The following DCC variants were observed in gnomAD, a reference collection of about 807,000 sequenced individuals.
DCC encodes netrin receptor DCC.
DCC carries 58 observed loss-of-function variants against 172.5 expected under a neutral mutation model. The ratio of observed to expected loss-of-function variants is 0.34; its 90% CI spans 0.27 to 0.42. The LOEUF (loss-of-function observed/expected upper bound fraction) is 0.42, where lower values mean the gene tolerates loss of function less well. DCC is among the 10% of genes least tolerant of loss of function. The pLI is 1.00. For missense variants in DCC, 1,740 were observed against 1,791.0 expected (o/e 0.97, Z 0.51); for synonymous variants, 709 against 644.5 (o/e 1.10, Z -1.52).
intron 22 of DCC, among the ~76,000 whole-genome samples, chr18:53,437,251 C>A (rs540857978): frequency 6.6e-6 from 1 of 152,162 alleles, no homozygotes; most frequent in Non-Finnish European, 1.5e-5. Context: ...TAACACCTTG[C>A]TCTGGCAGTC....
intron 26 of DCC, among the ~76,000 whole-genome samples, chr18:53,489,659 A>C (rs1223571510): frequency 1.3e-5 from 2 of 152,212 alleles, no homozygotes; most frequent in Non-Finnish European, 2.9e-5. Flanking sequence ...TAAGAAATGA[A>C]ATGAATCACT....
At chr18:52,760,155 G>A (rs896920611) in intron 2 of DCC, among the ~76,000 whole-genome samples, 1 of 152,186 alleles carries the variant, frequency 6.6e-6, no homozygotes, top group African/African-American at 2.4e-5. Context: ...GAAGCCTCAG[G>A]AGACTTGTAA....
chr18:53,512,317 C>A (rs1390685386), intron 27 of DCC, among the ~76,000 whole-genome samples: 1 of 148,778 alleles, frequency 6.7e-6, no homozygotes, highest in African/African-American at 2.5e-5. Flanking sequence ...CTGTACATCA[C>A]CATCATCAAA....
intron 27 of DCC, among the ~76,000 whole-genome samples, chr18:53,510,869 A>T (rs2046242976): frequency 6.6e-6 from 1 of 151,358 alleles, no homozygotes; most frequent in African/African-American, 2.4e-5. Context: ...CTTCTCTCTC[A>T]CTCTCACATA....
intron 2 of DCC, among the ~76,000 whole-genome samples, chr18:52,783,323 C>CCTTTTTTTTTTTT (rs2037586614): frequency 1.7e-5 from 1 of 59,270 alleles, no homozygotes; most frequent in Non-Finnish European, 2.8e-5. Context: ...TACTACTACT[C>CCTTTTTTTTTTTT]TTTTTTTTTT....
At chr18:52,566,394 G>A (rs926720683) in intron 1 of DCC, among the ~76,000 whole-genome samples, 3 of 152,066 alleles carry the variant, frequency 2.0e-5, no homozygotes, top group Non-Finnish European at 4.4e-5. Context: ...GGGAGGGATA[G>A]CATTAGGAGA....
At chr18:53,136,054 T>A (rs1028623314) in intron 7 of DCC, among the ~76,000 whole-genome samples, 4 of 147,418 alleles carry the variant, frequency 2.7e-5, no homozygotes, top group African/African-American at 1.1e-4. Context: ...TTTCAATTGA[T>A]TTTTTCCCTA....
chr18:53,326,005 A>G (rs1278625786), intron 14 of DCC, among the ~76,000 whole-genome samples: 3 of 152,196 alleles, frequency 2.0e-5, no homozygotes, highest in African/African-American at 7.2e-5. Context: ...TTGCCTTGAG[A>G]AAATGATTTC....
intron 28 of DCC, 167 bp from the exon 29 acceptor site, chr18:53,530,397 A>G (rs749829088): frequency 3.8e-5 from 27 of 708,054 alleles, no homozygotes; most frequent in Non-Finnish European, 6.5e-5. Flanking sequence ...ATCCCCTTTT[A>G]TTACCAGCAT....
chr18:52,511,295 A>AAG (rs1555691646), intron 1 of DCC, among the ~76,000 whole-genome samples: 11 of 151,642 alleles, frequency 7.3e-5, no homozygotes, highest in Non-Finnish European at 1.2e-4. Context: ...AAAAAAAAAA[A>AAG]AAAGAAAGAA....
chr18:52,497,283 ATAT>A lies in DCC; in HGVS notation c.91+156406_91+156408del, dbSNP rs1568198466. Among the ~76,000 whole-genome samples, 11 of 24,902 alleles carry A rather than the reference ATAT, an allele frequency of 4.4e-4. 2 individuals carry two copies. Among genetic ancestry groups the A allele is most frequent in the East Asian group, 2.4e-3 (2 of 826 alleles). The allele number at this position is 24,902 out of a possible 152,430, so 16.3% of individuals were successfully genotyped here. On this transcript the variant is annotated intron_variant, in intron 1 of 28. Transcript: ENST00000442544. ...ATCAAAAAAAAAAAAAAAAAAAAAT[ATAT>A]ATATATATATATATATATATATATA...
intron 15 of DCC, among the ~76,000 whole-genome samples, chr18:53,345,965 T>C (rs2057718843): frequency 6.6e-6 from 1 of 151,992 alleles, no homozygotes; most frequent in South Asian, 2.1e-4. Context: ...TTTTGGATTA[T>C]TTGAATTTTT....
At chr18:52,671,851 T>C (rs911350220) in intron 1 of DCC, among the ~76,000 whole-genome samples, 3 of 152,134 alleles carry the variant, frequency 2.0e-5, no homozygotes, top group Non-Finnish European at 4.4e-5. Flanking sequence ...TGCTGAACTT[T>C]TTCCCATCAC....
intron 5 of DCC, among the ~76,000 whole-genome samples, chr18:53,023,401 C>CAAAAAAAAAAAAAAAAAAAAAA (rs869070422): frequency 4.1e-5 from 1 of 24,428 alleles, no homozygotes; most frequent in Non-Finnish European, 7.1e-5. Flanking sequence ...TAACTCAGAC[C>CAAAAAAAAAAAAAAAAAAAAAA]AAAAAAAAAA....
chr18:53,401,953 A>G (rs764275007), intron 18 of DCC, among the ~76,000 whole-genome samples: 1 of 152,170 alleles, frequency 6.6e-6, no homozygotes, highest in Non-Finnish European at 1.5e-5. Context: ...ATCTTACTTC[A>G]TGCTGGATTG....
chr18:52,344,095 C>T (rs2144225908), intron 1 of DCC, among the ~76,000 whole-genome samples: 1 of 152,336 alleles, frequency 6.6e-6, no homozygotes, highest in African/African-American at 2.4e-5. Context: ...GCTTGAGATG[C>T]TGATAGGCAT....
chr18:53,371,154 A>G (rs1175957476), intron 15 of DCC, among the ~76,000 whole-genome samples: 11 of 151,928 alleles, frequency 7.2e-5, no homozygotes, highest in Admixed American at 7.2e-4. Context: ...AAGATGAGCA[A>G]CAAGTTATAA....
chr18:52,707,874 G>A (rs2036234769), intron 1 of DCC, among the ~76,000 whole-genome samples: 2 of 152,164 alleles, frequency 1.3e-5, no homozygotes, highest in Admixed American at 6.5e-5. Flanking sequence ...GTGGATTTGG[G>A]AGACATTGGT....
chr18:52,535,507 T>G (rs1361634017), intron 1 of DCC, among the ~76,000 whole-genome samples: 1 of 152,034 alleles, frequency 6.6e-6, no homozygotes, highest in Non-Finnish European at 1.5e-5. Flanking sequence ...AGTGTATGCA[T>G]TTTGTGAAGC....
Sources: gnomAD v4.1 joint callset for allele counts (sites outside exome capture counted in the v4.1 genomes callset) on GRCh38, gnomAD v4.1.1 for gene constraint, MANE v1.5 for transcripts, NCBI Gene and HGNC (gene_info 2026-07-23, HGNC 2026-07-21) for gene names.